Variants in TMEM45A observed in about 807,000 individuals in gnomAD.
TMEM45A encodes the protein transmembrane protein 45A.
TMEM45A carries 25 observed loss-of-function variants against 32.0 expected under a neutral mutation model. The observed-to-expected ratio is 0.78, with a 90% CI of 0.57 to 1.09. The LOEUF (loss-of-function observed/expected upper bound fraction) is 1.09. TMEM45A is among the 50% of genes least tolerant of loss of function. The pLI is 0.00. For synonymous variants in TMEM45A, 122 were observed against 114.8 expected, an observed-to-expected ratio of 1.06 and a Z score of -0.40; for missense variants, 302 against 325.0, an observed-to-expected ratio of 0.93 and a Z score of 0.54.
intron 1 of TMEM45A, among the ~76,000 whole-genome samples, chr3:100,514,308 C>G (rs2148940438): frequency 6.6e-6 from 1 of 152,252 alleles, no homozygotes; most frequent in Non-Finnish European, 1.5e-5. Context: ...ACAGAGCCCT[C>G]AGAAATAACG....
intron 1 of TMEM45A, among the ~76,000 whole-genome samples, chr3:100,552,060 C>G (rs776596345): frequency 6.6e-6 from 1 of 152,040 alleles, no homozygotes; most frequent in Non-Finnish European, 1.5e-5. Flanking sequence ...TCAGGGAAGG[C>G]CTGGATTTTA....
intron 1 of TMEM45A, among the ~76,000 whole-genome samples, chr3:100,508,135 T>C (rs1708103000): frequency 6.6e-6 from 1 of 151,998 alleles, no homozygotes; most frequent in African/African-American, 2.4e-5. Flanking sequence ...GTTCCACATT[T>C]CCACCATGGA....
chr3:100,503,510 T>C (rs1708035337), intron 1 of TMEM45A, among the ~76,000 whole-genome samples: 1 of 152,194 alleles, frequency 6.6e-6, no homozygotes, highest in Non-Finnish European at 1.5e-5. Flanking sequence ...AACTTCTCTA[T>C]ATAAATTAAG....
intron 1 of TMEM45A, among the ~76,000 whole-genome samples, chr3:100,514,819 C>T (rs1199096312): frequency 1.1e-4 from 16 of 150,312 alleles, no homozygotes; most frequent in South Asian, 6.3e-4. Context: ...GGGCGAAGGA[C>T]ATGAACAGAC....
intron 1 of TMEM45A, among the ~76,000 whole-genome samples, chr3:100,518,206 G>T (rs1559638170): frequency 6.6e-6 from 1 of 152,192 alleles, no homozygotes; most frequent in Non-Finnish European, 1.5e-5. Context: ...TGCATAGCTG[G>T]TTCTGCCTCT....
At chr3:100,570,835 C>G (rs1001610757) in intron 5 of TMEM45A, 5 of 152,238 alleles carry the variant, frequency 3.3e-5, no homozygotes, top group African/African-American at 1.2e-4. Flanking sequence ...CCCTCTACCC[C>G]CAACACATAA....
chr3:100,513,422 A>G (rs2148939303), intron 1 of TMEM45A, among the ~76,000 whole-genome samples: 1 of 150,610 alleles, frequency 6.6e-6, no homozygotes, highest in South Asian at 2.1e-4. Context: ...ACAAAATTCA[A>G]CAACCCTTCA....
chr3:100,571,013 A>C (rs371040957), intron 5 of TMEM45A: 39 of 152,320 alleles, frequency 2.6e-4, no homozygotes, highest in African/African-American at 8.4e-4. Context: ...TATGAAAAAC[A>C]TATGGGTAAA....
At chr3:100,569,024 A>C in intron 5 of TMEM45A, 57 bp downstream of exon 5, 1 of 1,521,040 alleles carries the variant, frequency 6.6e-7, no homozygotes, top group Non-Finnish European at 9.0e-7. Context: ...GATTATCAAG[A>C]CTCAGTGGTA....
At chr3:100,537,696 G>C (rs1433528441) in intron 1 of TMEM45A, among the ~76,000 whole-genome samples, 1 of 152,240 alleles carries the variant, frequency 6.6e-6, no homozygotes, top group East Asian at 1.9e-4. Context: ...GGGCCACAGG[G>C]CATTCTCTGT....
At chr3:100,497,760 A>C (rs1206489919) in intron 1 of TMEM45A, among the ~76,000 whole-genome samples, 1 of 152,186 alleles carries the variant, frequency 6.6e-6, no homozygotes, top group Non-Finnish European at 1.5e-5. Flanking sequence ...AGGCTGAATA[A>C]TATTTCATTG....
chr3:100,532,709 G>C (rs1705667998), intron 1 of TMEM45A, among the ~76,000 whole-genome samples: 1 of 152,160 alleles, frequency 6.6e-6, no homozygotes, highest in Admixed American at 6.5e-5. Context: ...AATGATGAAA[G>C]AGAAGATGGG....
rs138833822 is a variant in TMEM45A, at chr3:100,493,400, G to A, written c.-4+472G>A. On this transcript the variant is annotated intron_variant, in intron 1 of 5. Coordinates refer to ENST00000323523, the MANE Select transcript of TMEM45A (RefSeq NM_018004.3). ...TAATAGGATGTCTAATATAAATTACGTAAAACCTGGGTTATGCAGGTAGTT... is the reference window on the plus strand; with the variant it reads ...TAATAGGATGTCTAATATAAATTACATAAAACCTGGGTTATGCAGGTAGTT... Among the ~76,000 whole-genome samples, 144 of 151,898 alleles carry A rather than the reference G, an allele frequency of 9.5e-4. 2 individuals are homozygous for A. In the East Asian group the frequency reaches 0.025, roughly 27 times the overall value.
chr3:100,572,431 A>G (rs1375251479), intron 5 of TMEM45A: 4 of 151,364 alleles, frequency 2.6e-5, no homozygotes, highest in South Asian at 2.1e-4. Context: ...TCCTTCGCCC[A>G]CTTTTTGATG....
At chr3:100,565,826 G>A (rs1165798135) in intron 4 of TMEM45A, among the ~76,000 whole-genome samples, 1 of 151,950 alleles carries the variant, frequency 6.6e-6, no homozygotes, top group Non-Finnish European at 1.5e-5. Flanking sequence ...CAATTTAGTG[G>A]CATTTAGTAT....
intron 1 of TMEM45A, among the ~76,000 whole-genome samples, chr3:100,529,791 A>AT (rs1705612491): frequency 1.3e-5 from 2 of 151,718 alleles, no homozygotes; most frequent in African/African-American, 2.4e-5. Flanking sequence ...TAACTTTTGT[A>AT]TTTTTTTGTA....
chr3:100,548,199 A>G (rs912645191), intron 1 of TMEM45A, among the ~76,000 whole-genome samples: 1 of 152,196 alleles, frequency 6.6e-6, no homozygotes, highest in East Asian at 1.9e-4. Context: ...CTCTGGTCAC[A>G]TGCTAAGCCT....
chr3:100,546,501 C>T lies in TMEM45A; in HGVS notation c.-3-8708C>T, dbSNP rs913655616. 3.3e-5 allele frequency among the ~76,000 whole-genome samples: 5 copies of T among 152,202 alleles called. No homozygotes were observed. In the South Asian group the frequency reaches 6.2e-4, roughly 19 times the overall value. ...TTGGAACTACAGAATGAAAACTTTA[C>T]GTTCTTACTACATCATTAATGATCA... is the stretch of plus-strand genomic sequence containing the variant. On this transcript the variant is annotated intron_variant, in intron 1 of 5. Transcript: ENST00000323523.
intron 5 of TMEM45A, among the ~76,000 whole-genome samples, chr3:100,575,433 C>T (rs561740748): frequency 2.4e-5 from 3 of 127,440 alleles, no homozygotes; most frequent in East Asian, 2.7e-4. Flanking sequence ...AGTGCAGTGG[C>T]GTGATCTCAG....
Sources: allele counts gnomAD v4.1 joint callset (sites outside exome capture counted in the v4.1 genomes callset), GRCh38; gene constraint gnomAD v4.1.1; transcripts MANE v1.5; gene names NCBI Gene and HGNC (gene_info 2026-07-23, HGNC 2026-07-21).